ZBED4: variants seen among roughly 807,000 people sequenced by gnomAD.
The protein encoded by ZBED4 is zinc finger BED-type containing 4.
In ZBED4, 4 loss-of-function variants were observed where a neutral mutation model predicts 15.5. The observed-to-expected ratio is 0.26, with a 90% CI of 0.13 to 0.59. ZBED4 has a LOEUF of 0.59. ZBED4 is among the 20% of genes least tolerant of loss of function. ZBED4 has a pLI of 0.90. For missense variants in ZBED4, 1,323 were observed against 1,461.8 expected (o/e 0.91, Z 1.55); for synonymous variants, 692 against 608.5 (o/e 1.14, Z -2.02).
In ZBED4 at chr22:49,855,258, C is replaced by T. The variant is rs2060270108; in HGVS notation, c.-330+1269C>T. Reference sequence around the variant, plus strand: ...TGAATCTTGAAAAAGCTTCAGAGGCCCGGTCTTTGAGGTGAGGACACAGTT... The same window carrying T: ...TGAATCTTGAAAAAGCTTCAGAGGCTCGGTCTTTGAGGTGAGGACACAGTT... On this transcript the variant is annotated intron_variant, in intron 1 of 1. Coordinates refer to ENST00000216268, the MANE Select transcript of ZBED4 (RefSeq NM_014838.3). Among the ~76,000 whole-genome samples the T allele has an allele frequency of 1.3e-5, 2 of 152,032 alleles. 1 individual carries two copies. The highest frequency in any genetic ancestry group is 1.3e-4 in the Admixed American group (2 of 15,234).
At chr22:49,861,399 C>G (rs1017118224) in intron 1 of ZBED4, among the ~76,000 whole-genome samples, 11 of 152,156 alleles carry the variant, frequency 7.2e-5, no homozygotes, top group African/African-American at 2.7e-4. Context: ...GCCTCAGTCT[C>G]TCAAAGTGGT....
At chr22:49,853,444 G>A (rs1414619426), upstream of ZBED4, 1 of 152,272 alleles carries the variant, frequency 6.6e-6, no homozygotes, top group Non-Finnish European at 1.5e-5. Context: ...GGCGGGACCG[G>A]GAACCGCGCT....
Position 49,878,855 on chromosome 22 carries a change from C to T in ZBED4, c.-329-4479C>T, listed in dbSNP as rs572528621. The stretch of plus-strand genomic sequence containing the variant: ...TCTACTAAAAATAAAAAAAATGAGC[C>T]GGGAGTGGGCCAGGCGTGGTGGCTC... On this transcript the variant is annotated intron_variant, in intron 1 of 1. Transcript: ENST00000216268. Among the ~76,000 whole-genome samples, 14 of 151,888 alleles carry T rather than the reference C, an allele frequency of 9.2e-5. No homozygotes were observed. The South Asian group carries it at 1.3e-3, about 14-fold the overall frequency.
rs972400422 is a variant in ZBED4, at chr22:49,853,882, CCGCGGGAGGGG to C, written c.-430_-420del. On this transcript the variant is annotated 5_prime_UTR_variant, in exon 1 of 2. Transcript: ENST00000216268. ...GCGTCGCGGGCGGCGGGCGGCGGGGCCGCGGGAGGGGCGCGGGGGCAGACAAAGCCGCGGTA... is the reference window on the plus strand; with the variant it reads ...GCGTCGCGGGCGGCGGGCGGCGGGGCCGCGGGGGCAGACAAAGCCGCGGTA... 6.2e-5 allele frequency: 9 copies of C among 144,104 alleles called. No individual in the cohort carries two copies. The highest frequency in any genetic ancestry group is 4.1e-4 in the East Asian group (2 of 4,840). The allele number at this position is 144,104 out of a possible 1,614,324, so 8.9% of individuals were successfully genotyped here. A position where few individuals can be genotyped will look rare whatever the true frequency, so the allele number is the denominator to read the frequency against.
At chr22:49,854,136 C>A (rs2060264415) in intron 1 of ZBED4, 147 bp downstream of exon 1, 1 of 145,388 alleles carries the variant, frequency 6.9e-6, no homozygotes, top group Non-Finnish European at 1.5e-5. Flanking sequence ...GTTCCGTGGC[C>A]TCGGGGTCCC....
At chr22:49,867,608 A>G (rs2060328119) in intron 1 of ZBED4, among the ~76,000 whole-genome samples, 1 of 152,064 alleles carries the variant, frequency 6.6e-6, no homozygotes, top group South Asian at 2.1e-4. Context: ...GCAGAAAGTC[A>G]CCCACCTCAG....
chr22:49,881,813 T>A (rs2060411102), intron 1 of ZBED4, among the ~76,000 whole-genome samples: 1 of 152,228 alleles, frequency 6.6e-6, no homozygotes, highest in South Asian at 2.1e-4. Flanking sequence ...GTTACAGGCA[T>A]GAGCCACTGT....
chr22:49,877,128 T>C (rs1403957124), intron 1 of ZBED4, among the ~76,000 whole-genome samples: 8 of 152,174 alleles, frequency 5.3e-5, no homozygotes, highest in Admixed American at 5.2e-4. Flanking sequence ...CAATTTTTTT[T>C]CCTAAACGAG....
At chr22:49,865,420 G>A (rs993564910) in intron 1 of ZBED4, among the ~76,000 whole-genome samples, 8 of 152,082 alleles carry the variant, frequency 5.3e-5, no homozygotes, top group South Asian at 4.2e-4. Flanking sequence ...GGGCTAAGGC[G>A]GGCGGAACTC....
Position 49,887,352 on chromosome 22 carries a change from C to T in ZBED4, c.*174C>T, listed in dbSNP as rs1039276202. 2 of 569,450 alleles carry T rather than the reference C, an allele frequency of 3.5e-6. No homozygotes were observed. Among genetic ancestry groups the T allele is most frequent in the Admixed American group, 3.4e-5 (1 of 29,348 alleles). 35.3% of individuals were successfully genotyped at this position (569,450 alleles called of 1,614,324 possible). A position where few individuals can be genotyped will look rare whatever the true frequency, so the allele number is the denominator to read the frequency against. Reference sequence around the variant, plus strand: ...CGTGCCTTACCCCTTCTCCTTCAGGCCAAGTTTCGCGGGGTGTTTTATTAA... The same window carrying T: ...CGTGCCTTACCCCTTCTCCTTCAGGTCAAGTTTCGCGGGGTGTTTTATTAA... On this transcript the variant is annotated 3_prime_UTR_variant, in exon 2 of 2. Transcript: ENST00000216268.
Position 49,883,940 on chromosome 22 carries a change from C to T in ZBED4, c.278C>T (p.Thr93Ile). The change falls in exon 2 of 2, where the codon ACC becomes ATC. Residue 93 changes from threonine to isoleucine, a missense_variant. By Grantham distance (89) the Thr-to-Ile change is moderately conservative. Around this residue, in one of 6 missense-constraint regions of ZBED4, gnomAD observed 380 missense variants for 413.7 expected, o/e 0.92. Transcript: ENST00000216268. ...GCGCTGTTCTCCCAGTACAGCAGCACCCTATACGACGTGGCCATGGAGGCC... is the reference window on the plus strand; with the variant it reads ...GCGCTGTTCTCCCAGTACAGCAGCATCCTATACGACGTGGCCATGGAGGCC... ...YGALFSQYSS[T>I]LYDVAMEAVT... 2 of 1,613,464 alleles carry T rather than the reference C, an allele frequency of 1.2e-6. No homozygotes were observed. Among genetic ancestry groups the T allele is most frequent in the African/African-American group, 1.3e-5 (1 of 74,970 alleles).
At chr22:49,858,393 A>G (rs2060283494) in intron 1 of ZBED4, among the ~76,000 whole-genome samples, 1 of 152,210 alleles carries the variant, frequency 6.6e-6, no homozygotes, top group Non-Finnish European at 1.5e-5. Context: ...CGTCTGAACC[A>G]GGCCCGGAGT....
chr22:49,874,235 C>G (rs1048935118), intron 1 of ZBED4, among the ~76,000 whole-genome samples: 1 of 152,184 alleles, frequency 6.6e-6, no homozygotes, highest in Non-Finnish European at 1.5e-5. Flanking sequence ...CACTGTTTCC[C>G]GGATGCGTCT....
intron 1 of ZBED4, among the ~76,000 whole-genome samples, chr22:49,877,392 A>G (rs1222104207): frequency 6.6e-6 from 1 of 151,964 alleles, no homozygotes; most frequent in Non-Finnish European, 1.5e-5. Flanking sequence ...CCCAGGCTCA[A>G]ATGATTCTCC....
intron 1 of ZBED4, among the ~76,000 whole-genome samples, chr22:49,862,185 T>G (rs1313555778): frequency 6.6e-6 from 1 of 152,228 alleles, no homozygotes. Context: ...TGTTAGTAAG[T>G]CCCCGAGGGC....
intron 1 of ZBED4, among the ~76,000 whole-genome samples, chr22:49,861,223 G>A (rs976570644): frequency 6.6e-6 from 1 of 151,114 alleles, no homozygotes; most frequent in Non-Finnish European, 1.5e-5. Context: ...TTATGAGATG[G>A]AGTCTCGCTC....
upstream of ZBED4, chr22:49,853,432 G>A (rs1461529636): frequency 1.3e-5 from 2 of 152,278 alleles, no homozygotes; most frequent in African/African-American, 4.8e-5. Context: ...AAGGGGGTTC[G>A]GGGCGGGACC....
chr22:49,859,039 C>G (rs1040337578), intron 1 of ZBED4, among the ~76,000 whole-genome samples: 3 of 152,024 alleles, frequency 2.0e-5, no homozygotes, highest in Non-Finnish European at 4.4e-5. Context: ...CCACAGTTGG[C>G]GAGTTAGATG....
chr22:49,870,767 T>A (rs1043958434), intron 1 of ZBED4, among the ~76,000 whole-genome samples: 1 of 152,176 alleles, frequency 6.6e-6, no homozygotes, highest in Non-Finnish European at 1.5e-5. Context: ...GTGGGTTTTC[T>A]GTTTATTCTG....
Sources: gnomAD v4.1 joint callset for allele counts (sites outside exome capture counted in the v4.1 genomes callset) on GRCh38, gnomAD v4.1.1 for gene constraint, gnomAD v4.1.1 regional missense constraint, MANE v1.5 for transcripts, NCBI Gene and HGNC (gene_info 2026-07-23, HGNC 2026-07-21) for gene names.